Variants in COL22A1 observed in about 807,000 individuals in gnomAD.
The protein encoded by COL22A1 is collagen alpha-1(XXII) chain.
COL22A1 carries 221 observed loss-of-function variants against 248.9 expected under a neutral mutation model. The ratio of observed to expected loss-of-function variants is 0.89; its 90% CI spans 0.80 to 0.99. The LOEUF (loss-of-function observed/expected upper bound fraction) is 0.99. COL22A1 is among the 50% of genes least tolerant of loss of function. COL22A1 has a pLI of 0.00. For missense variants in COL22A1, 2,240 were observed against 2,179.0 expected (o/e 1.03, Z -0.56); for synonymous variants, 891 against 793.4 (o/e 1.12, Z -2.07).
chr8:138,634,920 T>G (rs1444028901), intron 49 of COL22A1, 90 bp downstream of exon 49: 1 of 896,210 alleles, frequency 1.1e-6, no homozygotes, highest in African/African-American at 1.6e-5. Flanking sequence ...AAATGAGAGA[T>G]ATGCTCAGTG....
At position 138,844,148 on chromosome 8, in the gene COL22A1, A is replaced by G. The variant is rs1821072395; in HGVS notation, c.669T>C (p.Cys223=). The change falls in exon 4 of 65, where the codon TGT becomes TGC. Residue 223 remains cysteine (C), a synonymous_variant. Transcript: ENST00000303045. ...GATCTCCTTCTACACGAACGCTAGG[A>G]CAGAGCACATCTGAGGAAAGCAAGA... The part of the protein sequence containing the change: ...LRRRLCENVL[C]PSVRVEGDRF... 25 of 1,614,160 alleles carry G rather than the reference A, an allele frequency of 1.5e-5. No homozygotes were observed. Among genetic ancestry groups the G allele is most frequent in the Non-Finnish European group, 2.1e-5 (25 of 1,179,992 alleles).
At chr8:138,716,077 C>G (rs1407152915) in intron 29 of COL22A1, 150 bp downstream of exon 29, 2 of 660,884 alleles carry the variant, frequency 3.0e-6, no homozygotes, top group African/African-American at 3.7e-5. Flanking sequence ...GTCTTATCCC[C>G]TTCCCCGTCC....
At chr8:138,680,298 A>G (rs986648680) in intron 39 of COL22A1, among the ~76,000 whole-genome samples, 5 of 152,160 alleles carry the variant, frequency 3.3e-5, no homozygotes, top group African/African-American at 1.2e-4. Context: ...AGATCTCCTG[A>G]GGAGCCCTGT....
chr8:138,663,672 G>A, intron 42 of COL22A1, 33 bp downstream of exon 42: 1 of 1,539,028 alleles, frequency 6.5e-7, no homozygotes, highest in Non-Finnish European at 9.0e-7. Flanking sequence ...TCCTCCCATA[G>A]AAACTCATCC....
At chr8:138,596,544 C>T (rs1587628545) in intron 62 of COL22A1, among the ~76,000 whole-genome samples, 2 of 152,214 alleles carry the variant, frequency 1.3e-5, no homozygotes, top group East Asian at 1.9e-4. Flanking sequence ...TTATCTACCT[C>T]CTCTGGACTG....
At position 138,806,315 on chromosome 8, in the gene COL22A1, G is replaced by GGT. The variant is rs958274692; in HGVS notation, c.1494+1451_1494+1452dup. Among the ~76,000 whole-genome samples the GGT allele has an allele frequency of 2.4e-3, 353 of 147,760 alleles. 4 individuals carry two copies. Among genetic ancestry groups the GGT allele is most frequent in the African/African-American group, 7.5e-3 (302 of 40,270 alleles). ...GTGTGTGTGTGATGTTGTATTATGG[G>GGT]GTGTGTGTGTGTGTGTGATGGTTTG... On this transcript the variant is annotated intron_variant, in intron 10 of 64. Transcript: ENST00000303045.
At position 138,617,082 on chromosome 8, in the gene COL22A1, T is replaced by C. The variant is rs149188248; in HGVS notation, c.3826-124A>G. On this transcript the variant is annotated intron_variant, in intron 53 of 64. Transcript: ENST00000303045. ...CGCTCATTCTTTACCATTTGCAGGA[T>C]ACTGAGCCCTACTTGGTGCCATGCT... 241 of 946,120 alleles carry C rather than the reference T, an allele frequency of 2.5e-4. No homozygotes were observed. The African/African-American group carries it at 3.4e-3, about 13-fold the overall frequency. 58.6% of individuals were successfully genotyped at this position (946,120 alleles called of 1,614,324 possible).
chr8:138,779,636 TC>T, intron 13 of COL22A1, 74 bp from the exon 14 acceptor site: 1 of 984,212 alleles, frequency 1.0e-6, no homozygotes. Flanking sequence ...GCCCACAGTC[TC>T]CCAGGGCCTC....
chr8:138,644,931 T>A (rs1230860722), intron 47 of COL22A1, among the ~76,000 whole-genome samples: 2 of 152,124 alleles, frequency 1.3e-5, no homozygotes, highest in Non-Finnish European at 2.9e-5. Context: ...GAAATAAAGA[T>A]CTCCTTTCCA....
intron 51 of COL22A1, among the ~76,000 whole-genome samples, chr8:138,624,410 G>A (rs2131963086): frequency 6.6e-6 from 1 of 152,214 alleles, no homozygotes. Flanking sequence ...TTTGGCTTAA[G>A]CCTAAGGACA....
chr8:138,661,602 G>A (rs192815880), intron 43 of COL22A1, among the ~76,000 whole-genome samples: 3 of 152,264 alleles, frequency 2.0e-5, no homozygotes, highest in Admixed American at 2.0e-4. Flanking sequence ...TCACAAAGTG[G>A]GAAGGAACAC....
intron 5 of COL22A1, chr8:138,827,028 C>A: frequency 2.2e-6 from 1 of 463,274 alleles, no homozygotes. Context: ...TATGGTGCGT[C>A]TGCTTCCATC....
chr8:138,912,585 A>G (rs1472660687), intron 1 of COL22A1, among the ~76,000 whole-genome samples: 3 of 152,166 alleles, frequency 2.0e-5, no homozygotes, highest in Non-Finnish European at 2.9e-5. Flanking sequence ...TACTAAAAAT[A>G]TAAAATTAGC....
chr8:138,662,029 C>T lies in COL22A1; in HGVS notation c.3240+1G>A, dbSNP rs774924582. The stretch of plus-strand genomic sequence containing the variant: ...AGTCCACGCCATTTCTCTGTACTTA[C>T]GTCCCGGCCGGCTGGGCCCTGGGGG... On this transcript the variant is annotated splice_donor_variant, in intron 43 of 64. Coordinates refer to ENST00000303045, the MANE Select transcript of COL22A1 (RefSeq NM_152888.3). LOFTEE classifies it high-confidence loss of function. 34 of 1,611,210 alleles carry T rather than the reference C, an allele frequency of 2.1e-5. No individual in the cohort carries two copies. The highest frequency in any genetic ancestry group is 5.1e-6 in the Non-Finnish European group (6 of 1,178,576).
chr8:138,595,542 T>G (rs1277802535), intron 62 of COL22A1, among the ~76,000 whole-genome samples: 2 of 152,126 alleles, frequency 1.3e-5, no homozygotes, highest in African/African-American at 4.8e-5. Context: ...ATTTGTTCCT[T>G]ATTTCCCTCC....
At chr8:138,870,016 AG>A (rs1823200148) in intron 3 of COL22A1, among the ~76,000 whole-genome samples, 1 of 151,744 alleles carries the variant, frequency 6.6e-6, no homozygotes, top group Non-Finnish European at 1.5e-5. Flanking sequence ...GTGTATGTGG[AG>A]GGTGGCACGT....
rs537924750 is a variant in COL22A1 at position 138,682,844 on chromosome 8, C to T, written c.3012+1581G>A. 7.9e-5 allele frequency among the ~76,000 whole-genome samples: 12 copies of T among 152,248 alleles called. No individual in the cohort carries two copies. The East Asian group carries it at 9.6e-4, about 12-fold the overall frequency. On this transcript the variant is annotated intron_variant, in intron 39 of 64. Coordinates refer to ENST00000303045, the MANE Select transcript of COL22A1 (RefSeq NM_152888.3). The stretch of plus-strand genomic sequence containing the variant: ...CCTCCCAAGTAGCTGGGATTACAGG[C>T]GCATACTACCACACCCAGTTAATTT...
At chr8:138,716,188 G>T in intron 29 of COL22A1, 39 bp downstream of exon 29, 2 of 1,510,116 alleles carry the variant, frequency 1.3e-6, no homozygotes, top group South Asian at 1.2e-5. Context: ...GGAGATGGGC[G>T]AGGTTCCTGT....
intron 1 of COL22A1, among the ~76,000 whole-genome samples, chr8:138,907,899 GACC>G (rs1563912750): frequency 6.6e-6 from 1 of 152,144 alleles, no homozygotes; most frequent in Non-Finnish European, 1.5e-5. Context: ...GTGCCCTCAT[GACC>G]CAATCACCTC....
Sources: allele counts gnomAD v4.1 joint callset (sites outside exome capture counted in the v4.1 genomes callset), GRCh38; gene constraint gnomAD v4.1.1; transcripts MANE v1.5; gene names NCBI Gene and HGNC (gene_info 2026-07-23, HGNC 2026-07-21).